CISD3: variants seen among roughly 807,000 people sequenced by gnomAD.
CISD3 encodes the protein CDGSH iron-sulfur domain-containing protein 3, mitochondrial.
In CISD3, 11 loss-of-function variants were observed where a neutral mutation model predicts 14.1. That is an observed-to-expected ratio of 0.78 (90% confidence interval 0.49 to 1.29). The LOEUF (loss-of-function observed/expected upper bound fraction) is 1.29. Among genes scored for constraint, CISD3 ranks in the 50% most tolerant of loss-of-function variants. The probability of loss-of-function intolerance (pLI) is 0.00; values close to 1 mark genes in which losing one functional copy is unlikely to be tolerated. For synonymous variants in CISD3, 53 were observed against 69.2 expected, an observed-to-expected ratio of 0.77 and a Z score of 1.16; for missense variants, 156 against 171.6, an observed-to-expected ratio of 0.91 and a Z score of 0.51.
Position 38,733,350 on chromosome 17 carries a change from C to CA in CISD3, c.280dup (p.Met94AsnfsTer23). 1 of 1,551,758 alleles carries CA rather than the reference C, an allele frequency of 6.4e-7. No homozygotes were observed. Among genetic ancestry groups the CA allele is most frequent in the Non-Finnish European group, 8.7e-7 (1 of 1,146,992 alleles). ...TCAAGTTCAAGGCCCAAGAGACCCG[C>CA]ATGGTGGCACTCTGTACCTGCAAGG... On this transcript the variant is annotated frameshift_variant, in exon 4 of 4. Coordinates refer to ENST00000613478, the MANE Select transcript of CISD3 (RefSeq NM_001136498.2). LOFTEE classifies it high-confidence loss of function.
intron 3 of CISD3, among the ~76,000 whole-genome samples, chr17:38,732,586 G>A (rs1248199093): frequency 2.0e-5 from 3 of 152,076 alleles, no homozygotes; most frequent in African/African-American, 4.8e-5. Flanking sequence ...ACAGTGAGCC[G>A]TGTTTGCATC....
chr17:38,730,817 T>C, intron 2 of CISD3, 22 bp downstream of exon 2: 1 of 1,549,948 alleles, frequency 6.5e-7, no homozygotes, highest in East Asian at 2.4e-5. Flanking sequence ...CATCCTCCCC[T>C]CCTCCTCGCA....
rs1349814098 is a variant in CISD3, at chr17:38,735,272, CT to C, written c.*1818del. 2.7e-6 allele frequency: 4 copies of C among 1,472,166 alleles called. No homozygotes were observed. The highest frequency in any genetic ancestry group is 3.6e-6 in the Non-Finnish European group (4 of 1,101,038). 91.2% of individuals were successfully genotyped at this position (1,472,166 alleles called of 1,614,324 possible). A position where few individuals can be genotyped will look rare whatever the true frequency, so the allele number is the denominator to read the frequency against. On this transcript the variant is annotated 3_prime_UTR_variant, in exon 4 of 4. Coordinates refer to ENST00000613478, the MANE Select transcript of CISD3 (RefSeq NM_001136498.2). ...GCCGTTGACAGTCATCTTGCGCCCC[CT>C]GCTGGTGGAGGATGGTGTCTGCAGG...
In CISD3 at chr17:38,735,531, T is replaced by G. The variant is rs1401012738; in HGVS notation, c.*2076T>G. 6.3e-7 allele frequency: 1 copy of G among 1,584,216 alleles called. No homozygotes were observed. The highest frequency in any genetic ancestry group is 8.6e-7 in the Non-Finnish European group (1 of 1,165,944). ...CTGGTGTTGGTGCCCTCGGAGGGGG[T>G]GGGCACCGTGGCTAGGGTGAGCCGC... is the stretch of plus-strand genomic sequence containing the variant. On this transcript the variant is annotated 3_prime_UTR_variant, in exon 4 of 4. Coordinates refer to ENST00000613478, the MANE Select transcript of CISD3 (RefSeq NM_001136498.2).
chr17:38,731,114 C>T, intron 2 of CISD3: 1 of 692,854 alleles, frequency 1.4e-6, no homozygotes, highest in Non-Finnish European at 2.3e-6. Context: ...AACCTGAGTG[C>T]CTGCATGGCT....
At chr17:38,730,676 C>G in intron 1 of CISD3, 84 bp from the exon 2 acceptor site, 1 of 1,388,738 alleles carries the variant, frequency 7.2e-7, no homozygotes, top group Non-Finnish European at 1.0e-6. Context: ...GATGGCCTCC[C>G]GTGTCCTTCC....
intron 3 of CISD3, 94 bp downstream of exon 3, chr17:38,731,533 C>T: frequency 1.1e-5 from 16 of 1,492,944 alleles, no homozygotes; most frequent in Middle Eastern, 1.7e-4. Flanking sequence ...TTATTCTTCC[C>T]ACACATACCT....
At chr17:38,732,169 G>C (rs2143734113) in intron 3 of CISD3, among the ~76,000 whole-genome samples, 1 of 152,278 alleles carries the variant, frequency 6.6e-6, no homozygotes, top group African/African-American at 2.4e-5. Context: ...TTTCCTTCCT[G>C]AGCAGAGCTC....
At position 38,734,946 on chromosome 17, in the gene CISD3, A is replaced by AG. The variant is rs1906560081; in HGVS notation, c.*1491_*1492insG. ...CCCCAAAAACAGCAAATTACACAAG[A>AG]CCCCCCCCAAAAAAAATGAACACCA... is the stretch of plus-strand genomic sequence containing the variant. On this transcript the variant is annotated 3_prime_UTR_variant, in exon 4 of 4. Transcript: ENST00000613478. 1 of 250,966 alleles carries AG rather than the reference A, an allele frequency of 4.0e-6. No individual in the cohort carries two copies. 15.5% of individuals were successfully genotyped at this position (250,966 alleles called of 1,614,324 possible). A position where few individuals can be genotyped will look rare whatever the true frequency, so the allele number is the denominator to read the frequency against.
Position 38,735,541 on chromosome 17 carries a change from G to T in CISD3, c.*2086G>T. 6.3e-7 allele frequency: 1 copy of T among 1,588,566 alleles called. No homozygotes were observed. The highest frequency in any genetic ancestry group is 2.3e-5 in the East Asian group (1 of 43,656). On this transcript the variant is annotated 3_prime_UTR_variant, in exon 4 of 4. Transcript: ENST00000613478. The stretch of plus-strand genomic sequence containing the variant: ...TGCCCTCGGAGGGGGTGGGCACCGT[G>T]GCTAGGGTGAGCCGCTTGCAGGCTG...
chr17:38,731,082 A>AG, intron 2 of CISD3: 1 of 654,256 alleles, frequency 1.5e-6, no homozygotes, highest in Non-Finnish European at 2.6e-6. Flanking sequence ...CCAGCGTTTG[A>AG]GGGAAGGCAG....
At chr17:38,731,159 G>A in intron 2 of CISD3, 161 bp from the exon 3 acceptor site, 1 of 955,232 alleles carries the variant, frequency 1.0e-6, no homozygotes, top group Non-Finnish European at 1.5e-6. Context: ...ACGGTCCTAT[G>A]GTGTCCTGGG....
Position 38,730,799 on chromosome 17 carries a change from A to G in CISD3, c.84+4A>G, listed in dbSNP as rs1340453302. ...GCGGGACATCTCCTCCTGGCTGGTG[A>G]GTCCCCCCATCCTCCCCTCCTCCTC... On this transcript the variant is annotated splice_donor_region_variant and intron_variant, in intron 2 of 3. Transcript: ENST00000613478. The G allele has an allele frequency of 1.3e-6, 2 of 1,551,312 alleles. No individual in the cohort carries two copies. The highest frequency in any genetic ancestry group is 1.7e-6 in the Non-Finnish European group (2 of 1,146,818).
chr17:38,731,514 A>C (rs1407021461), intron 3 of CISD3, 75 bp downstream of exon 3: 1 of 1,535,934 alleles, frequency 6.5e-7, no homozygotes. Flanking sequence ...GTTCCCACCC[A>C]GGATGATCTT....
chr17:38,732,120 C>T (rs1906360742), intron 3 of CISD3, among the ~76,000 whole-genome samples: 1 of 152,162 alleles, frequency 6.6e-6, no homozygotes, highest in African/African-American at 2.4e-5. Context: ...CCTTTCGTCC[C>T]AGCAGGAACC....
At chr17:38,731,790 T>TTTAA in intron 3 of CISD3, 14 of 271,942 alleles carry the variant, frequency 5.1e-5, no homozygotes, top group South Asian at 3.2e-4. Context: ...TTCCCAGGCC[T>TTTAA]TGAACCCCAA....
chr17:38,731,216 C>T, intron 2 of CISD3, 104 bp from the exon 3 acceptor site: 2 of 1,456,756 alleles, frequency 1.4e-6, no homozygotes, highest in Admixed American at 2.3e-5. Flanking sequence ...GTAGAGGAAA[C>T]CTGCCACACA....
At position 38,734,687 on chromosome 17, in the gene CISD3, T is replaced by C. The variant is rs887941754; in HGVS notation, c.*1232T>C. The C allele has an allele frequency of 6.5e-6, 1 of 152,682 alleles. No individual in the cohort carries two copies. Among genetic ancestry groups the C allele is most frequent in the African/African-American group, 2.4e-5 (1 of 41,394 alleles). The allele number at this position is 152,682 out of a possible 1,614,324, so 9.5% of individuals were successfully genotyped here. ...ACTGTTCTTAGCAATTTCTGGACAT[T>C]CAACAACGTGGGGGGCGGCCACTGG... On this transcript the variant is annotated 3_prime_UTR_variant, in exon 4 of 4. Transcript: ENST00000613478.
rs1425563829 is a variant in CISD3, at chr17:38,735,250, G to A, written c.*1795G>A. ...AAGTTAAGGGGGGCACGGGAGCGCC[G>A]TTGACAGTCATCTTGCGCCCCCTGC... On this transcript the variant is annotated 3_prime_UTR_variant, in exon 4 of 4. Coordinates refer to ENST00000613478, the MANE Select transcript of CISD3 (RefSeq NM_001136498.2). 8.9e-6 allele frequency: 13 copies of A among 1,455,434 alleles called. No individual in the cohort carries two copies. The highest frequency in any genetic ancestry group is 1.4e-5 in the African/African-American group (1 of 70,910). The allele number at this position is 1,455,434 out of a possible 1,614,324, so 90.2% of individuals were successfully genotyped here.
Sources: allele counts gnomAD v4.1 joint callset (sites outside exome capture counted in the v4.1 genomes callset), GRCh38; gene constraint gnomAD v4.1.1; transcripts MANE v1.5; gene names NCBI Gene and HGNC (gene_info 2026-07-23, HGNC 2026-07-21).